Variants in GPR139 observed in about 807,000 individuals in gnomAD.
GPR139 encodes the protein probable G protein-coupled receptor 139.
Under a neutral mutation model 25.8 loss-of-function variants are expected in GPR139, and 12 were observed. The observed-to-expected ratio is 0.47, with a 90% CI of 0.30 to 0.75. The LOEUF is 0.75. Ranked by LOEUF, GPR139 falls within the 30% of genes least tolerant of loss-of-function variation. GPR139 has a pLI of 0.07. For synonymous variants in GPR139, 184 were observed against 179.9 expected (o/e 1.02, Z -0.18); for missense variants, 380 against 450.2 (o/e 0.84, Z 1.41).
intron 1 of GPR139, among the ~76,000 whole-genome samples, chr16:20,071,710 G>A (rs2057459849): frequency 6.6e-6 from 1 of 152,208 alleles, no homozygotes; most frequent in East Asian, 1.9e-4. Context: ...ATGTGAAGGT[G>A]CGAGGTACCT....
At chr16:20,062,723 T>G (rs1444145701) in intron 1 of GPR139, among the ~76,000 whole-genome samples, 1 of 152,262 alleles carries the variant, frequency 6.6e-6, no homozygotes, top group East Asian at 1.9e-4. Flanking sequence ...GTGAGTCATA[T>G]ATACAATTAA....
At chr16:20,070,157 C>T (rs1010536802) in intron 1 of GPR139, among the ~76,000 whole-genome samples, 2 of 152,142 alleles carry the variant, frequency 1.3e-5, no homozygotes, top group East Asian at 1.9e-4. Context: ...CTTGACTGTG[C>T]GACAGTAGAT....
At chr16:20,065,352 C>T (rs889553570) in intron 1 of GPR139, among the ~76,000 whole-genome samples, 2 of 152,212 alleles carry the variant, frequency 1.3e-5, no homozygotes, top group African/African-American at 4.8e-5. Flanking sequence ...TTGTAGCTCC[C>T]TCAGTCCCTA....
intron 1 of GPR139, among the ~76,000 whole-genome samples, chr16:20,054,686 T>G (rs1323210697): frequency 7.7e-6 from 1 of 130,000 alleles, no homozygotes; most frequent in African/African-American, 2.6e-5. Flanking sequence ...CCTTCCTTCC[T>G]TCTTCCTTCC....
In GPR139 at chr16:20,031,959, T is replaced by C; in HGVS notation, c.838A>G (p.Ile280Val). ...ANMLALLNTA[I>V]NFFLYCFISK... ...ATGAAGCAGTAGAGGAAGAAGTTGA[T>C]GGCTGTGTTCAGAAGGGCTAGCATG... Residue 280 changes from isoleucine (I) to valine (V), a missense_variant, in exon 2 of 2, where the codon ATC (isoleucine) becomes GTC (valine). Transcript: ENST00000570682. The C allele has an allele frequency of 6.2e-7, 1 of 1,614,180 alleles. No individual in the cohort carries two copies. Among genetic ancestry groups the C allele is most frequent in the South Asian group, 1.1e-5 (1 of 91,078 alleles).
intron 1 of GPR139, among the ~76,000 whole-genome samples, chr16:20,055,875 C>T (rs568317890): frequency 6.6e-6 from 1 of 152,326 alleles, no homozygotes; most frequent in African/African-American, 2.4e-5. Context: ...TGCCATGTGC[C>T]TCAGTTTTCT....
chr16:20,068,314 T>C (rs2057444375), intron 1 of GPR139, among the ~76,000 whole-genome samples: 1 of 151,666 alleles, frequency 6.6e-6, no homozygotes, highest in South Asian at 2.1e-4. Flanking sequence ...AAAATTGCTG[T>C]CTTGTGGGCA....
At chr16:20,067,241 C>T (rs2057437807) in intron 1 of GPR139, among the ~76,000 whole-genome samples, 1 of 152,208 alleles carries the variant, frequency 6.6e-6, no homozygotes. Context: ...TCCAGCATAG[C>T]TACATCATTG....
rs553109965 is a variant in GPR139, at chr16:20,029,326, T to C, written c.*2409A>G. On this transcript the variant is annotated 3_prime_UTR_variant, in exon 2 of 2. Transcript: ENST00000570682. ...TAATTGTTACACACAATTAAAAATA[T>C]GGAGCAGAGAGCATGGAGAGTCACA... is the stretch of plus-strand genomic sequence containing the variant. Among the ~76,000 whole-genome samples, 3 of 152,242 alleles carry C rather than the reference T, an allele frequency of 2.0e-5. No individual in the cohort carries two copies. Among genetic ancestry groups the C allele is most frequent in the African/African-American group, 7.2e-5 (3 of 41,546 alleles).
chr16:20,073,695 C>A lies in GPR139; in HGVS notation c.-79G>T. 6.8e-7 allele frequency: 1 copy of A among 1,465,412 alleles called. No homozygotes were observed. The highest frequency in any genetic ancestry group is 9.0e-7 in the Non-Finnish European group (1 of 1,109,476). The allele number at this position is 1,465,412 out of a possible 1,614,324, so 90.8% of individuals were successfully genotyped here. On this transcript the variant is annotated 5_prime_UTR_variant, in exon 1 of 2. Transcript: ENST00000570682. This position sits in a 1 kb window ranked among gnomAD's most constrained non-coding sequence, Gnocchi z 4.7. ...CTGGTCGCCGGCTCGGTGGTGGCGGCGGCGGAGGCAGCGGCAGCTGGAGCA... is the reference window on the plus strand; with the variant it reads ...CTGGTCGCCGGCTCGGTGGTGGCGGAGGCGGAGGCAGCGGCAGCTGGAGCA...
chr16:20,061,934 C>T (rs1202489920), intron 1 of GPR139, among the ~76,000 whole-genome samples: 4 of 152,286 alleles, frequency 2.6e-5, no homozygotes, highest in East Asian at 1.9e-4. Context: ...TATGCATCCC[C>T]GGGGAATTTC....
intron 1 of GPR139, among the ~76,000 whole-genome samples, chr16:20,040,780 G>C (rs2057326926): frequency 1.3e-5 from 2 of 152,236 alleles, no homozygotes; most frequent in South Asian, 4.2e-4. Context: ...ATTTAGGTTA[G>C]ATGTCAAGAA....
intron 1 of GPR139, among the ~76,000 whole-genome samples, chr16:20,054,162 C>G (rs1461252843): frequency 6.6e-6 from 1 of 152,274 alleles, no homozygotes; most frequent in East Asian, 1.9e-4. Context: ...GCATCTGAGT[C>G]TAGATGTCAT....
At chr16:20,055,810 G>T (rs2057386772) in intron 1 of GPR139, among the ~76,000 whole-genome samples, 1 of 152,232 alleles carries the variant, frequency 6.6e-6, no homozygotes, top group Non-Finnish European at 1.5e-5. Context: ...TGGGAGCATA[G>T]GCTCTAGCAC....
intron 1 of GPR139, among the ~76,000 whole-genome samples, chr16:20,051,453 C>T (rs1012849048): frequency 1.4e-4 from 21 of 152,190 alleles, no homozygotes; most frequent in Admixed American, 1.2e-3. Context: ...CCCACGTTCT[C>T]TTGGCAGATG....
In GPR139 at chr16:20,062,049, C is replaced by T. The variant is rs148191186; in HGVS notation, c.127+11441G>A. 1.7e-3 allele frequency among the ~76,000 whole-genome samples: 257 copies of T among 152,268 alleles called. 1 individual carries two copies. Among genetic ancestry groups the T allele is most frequent in the Middle Eastern group, 0.01 (3 of 294 alleles). On this transcript the variant is annotated intron_variant, in intron 1 of 1. Transcript: ENST00000570682. ...TTGGGAGACTGAAGCAGGAGAATTACTTAAGGCCAGGAGTTTGAGATCAGC... is the reference window on the plus strand; with the variant it reads ...TTGGGAGACTGAAGCAGGAGAATTATTTAAGGCCAGGAGTTTGAGATCAGC...
chr16:20,035,123 C>T (rs1596463728), intron 1 of GPR139, among the ~76,000 whole-genome samples: 2 of 152,180 alleles, frequency 1.3e-5, no homozygotes, highest in South Asian at 4.2e-4. Context: ...ATGAGAATTC[C>T]AGTTGCTCCA....
chr16:20,044,011 ACC>A (rs34378265), intron 1 of GPR139, among the ~76,000 whole-genome samples: 12 of 152,188 alleles, frequency 7.9e-5, no homozygotes, highest in Admixed American at 7.9e-4. Flanking sequence ...TGGATTCCTT[ACC>A]AATAAAATGG....
At chr16:20,034,009 A>C (rs2057301368) in intron 1 of GPR139, among the ~76,000 whole-genome samples, 1 of 151,984 alleles carries the variant, frequency 6.6e-6, no homozygotes, top group Admixed American at 6.5e-5. Flanking sequence ...GTCTCCCTGA[A>C]TTAAGCATAT....
Sources: allele counts gnomAD v4.1 joint callset (sites outside exome capture counted in the v4.1 genomes callset), GRCh38; gene constraint gnomAD v4.1.1; non-coding constraint Gnocchi (gnomAD v3.1); transcripts MANE v1.5; gene names NCBI Gene and HGNC (gene_info 2026-07-23, HGNC 2026-07-21).